Variants in FAM227A observed in about 807,000 individuals in gnomAD.
The protein encoded by FAM227A is protein FAM227A.
FAM227A carries 80 observed loss-of-function variants against 74.7 expected under a neutral mutation model. That is an observed-to-expected ratio of 1.07 (90% CI 0.89 to 1.29). The LOEUF is 1.29. Ranked by LOEUF, FAM227A falls within the 50% of genes most tolerant of loss-of-function variation. The pLI is 0.00. For synonymous variants in FAM227A, 237 were observed against 241.8 expected (o/e 0.98, Z 0.19); for missense variants, 654 against 683.4 (o/e 0.96, Z 0.48).
At chr22:38,615,316 G>A (rs2091552918) in intron 11 of FAM227A, among the ~76,000 whole-genome samples, 1 of 152,260 alleles carries the variant, frequency 6.6e-6, no homozygotes, top group Non-Finnish European at 1.5e-5. Flanking sequence ...GAGCCATCGC[G>A]CCCGGACAGA....
intron 1 of FAM227A, among the ~76,000 whole-genome samples, chr22:38,655,290 G>T (rs2092377089): frequency 6.6e-6 from 1 of 151,942 alleles, no homozygotes; most frequent in Non-Finnish European, 1.5e-5. Flanking sequence ...AGCACTTTGG[G>T]AGGCCGAGTC....
rs1049954561 is a variant in FAM227A, at chr22:38,582,180, A to G, written c.*3945T>C. On this transcript the variant is annotated 3_prime_UTR_variant, in exon 17 of 17. Coordinates refer to ENST00000535113, the MANE Select transcript of FAM227A (RefSeq NM_001013647.2). ...ATAGTAGACATATCTGTCACCCCCA[A>G]AAGTTTATTTGGGCCTCTTTGTAAC... 28 of 649,638 alleles carry G rather than the reference A, an allele frequency of 4.3e-5. No homozygotes were observed. The highest frequency in any genetic ancestry group is 6.6e-5 in the Non-Finnish European group (25 of 381,604). 40.2% of individuals were successfully genotyped at this position (649,638 alleles called of 1,614,324 possible). A position where few individuals can be genotyped will look rare whatever the true frequency, so the allele number is the denominator to read the frequency against.
At chr22:38,596,115 C>T (rs779727161) in intron 15 of FAM227A, among the ~76,000 whole-genome samples, 19 of 152,034 alleles carry the variant, frequency 1.2e-4, no homozygotes, top group South Asian at 8.3e-4. Flanking sequence ...TGAGGTCAGG[C>T]GTTTGAGACC....
chr22:38,649,292 C>T (rs963283669), intron 2 of FAM227A, among the ~76,000 whole-genome samples: 1 of 152,044 alleles, frequency 6.6e-6, no homozygotes, highest in Non-Finnish European at 1.5e-5. Flanking sequence ...TGGCCAGATG[C>T]GGTGGCTCAT....
At chr22:38,592,856 G>T (rs1022201745) in intron 15 of FAM227A, among the ~76,000 whole-genome samples, 2 of 152,144 alleles carry the variant, frequency 1.3e-5, no homozygotes, top group Non-Finnish European at 2.9e-5. Context: ...TAATTTATTT[G>T]ATCAATACAA....
Position 38,583,165 on chromosome 22 carries a change from A to T in FAM227A, c.*2960T>A. On this transcript the variant is annotated 3_prime_UTR_variant, in exon 17 of 17. Transcript: ENST00000535113. The stretch of plus-strand genomic sequence containing the variant: ...TGCTCACACGTTCTGGTTTCAGAAG[A>T]CTATACTTTTTTTTTTTTTTTTTTG... 2.2e-6 allele frequency: 1 copy of T among 448,856 alleles called. No individual in the cohort carries two copies. The highest frequency in any genetic ancestry group is 3.9e-6 in the Non-Finnish European group (1 of 257,648). 27.8% of individuals were successfully genotyped at this position (448,856 alleles called of 1,614,324 possible).
chr22:38,598,225 T>A (rs1818141816), intron 14 of FAM227A, among the ~76,000 whole-genome samples: 1 of 152,170 alleles, frequency 6.6e-6, no homozygotes, highest in Non-Finnish European at 1.5e-5. Flanking sequence ...CTTTAGATGA[T>A]GTTAATCATA....
intron 16 of FAM227A, among the ~76,000 whole-genome samples, chr22:38,586,709 G>A (rs1252756604): frequency 6.6e-6 from 1 of 151,918 alleles, no homozygotes; most frequent in Non-Finnish European, 1.5e-5. Context: ...TCGCTCTGTT[G>A]CCAGGCTGGA....
chr22:38,604,414 T>C (rs2091241087), intron 13 of FAM227A, among the ~76,000 whole-genome samples: 1 of 152,212 alleles, frequency 6.6e-6, no homozygotes, highest in South Asian at 2.1e-4. Context: ...AGCTGGTGCC[T>C]GGGGAAGCTC....
At position 38,650,256 on chromosome 22, in the gene FAM227A, C is replaced by A; in HGVS notation, c.-88G>T. On this transcript the variant is annotated 5_prime_UTR_variant, in exon 2 of 17. The change abolishes the stop of an existing upstream ORF in the 5' untranslated region. Transcript: ENST00000535113. ...ACTCCAATCTTGTCGTTTGTTTAAT[C>A]AGCCTCCTGGAAATCATAAACAGCA... is the stretch of plus-strand genomic sequence containing the variant. The A allele has an allele frequency of 7.5e-7, 1 of 1,341,002 alleles. No homozygotes were observed. Among genetic ancestry groups the A allele is most frequent in the South Asian group, 1.3e-5 (1 of 74,084 alleles). 83.1% of individuals were successfully genotyped at this position (1,341,002 alleles called of 1,614,324 possible). A position where few individuals can be genotyped will look rare whatever the true frequency, so the allele number is the denominator to read the frequency against.
chr22:38,598,541 T>C (rs1271996543), intron 14 of FAM227A, among the ~76,000 whole-genome samples: 1 of 152,200 alleles, frequency 6.6e-6, no homozygotes, highest in Admixed American at 6.5e-5. Flanking sequence ...TTGTTATTAC[T>C]CTCTCCCTAT....
At chr22:38,620,800 C>A (rs2091673340) in intron 10 of FAM227A, among the ~76,000 whole-genome samples, 1 of 151,314 alleles carries the variant, frequency 6.6e-6, no homozygotes, top group African/African-American at 2.4e-5. Context: ...CATAATGAGA[C>A]TCCGTCTCAA....
Position 38,650,024 on chromosome 22 carries a change from T to C in FAM227A, c.142+3A>G, listed in dbSNP as rs994560006. ...ATTGTAGGTGACATCACCAGAAGGA[T>C]ACAGGGTGGATTGTTCTCTAACTCC... On this transcript the variant is annotated splice_donor_region_variant and intron_variant, in intron 2 of 16. Coordinates refer to ENST00000535113, the MANE Select transcript of FAM227A (RefSeq NM_001013647.2). 1.9e-6 allele frequency: 3 copies of C among 1,552,112 alleles called. No individual in the cohort carries two copies. Among genetic ancestry groups the C allele is most frequent in the South Asian group, 1.2e-5 (1 of 84,042 alleles).
chr22:38,625,454 G>A (rs1052363852), intron 9 of FAM227A, among the ~76,000 whole-genome samples: 1 of 151,902 alleles, frequency 6.6e-6, no homozygotes, highest in Non-Finnish European at 1.5e-5. Context: ...GCTGGAGGGA[G>A]AGAACCATGA....
Position 38,652,825 on chromosome 22 carries a change from C to T in FAM227A, c.-94-2563G>A, listed in dbSNP as rs371268617. Among the ~76,000 whole-genome samples, 12 of 144,420 alleles carry T rather than the reference C, an allele frequency of 8.3e-5. No individual in the cohort carries two copies. The East Asian group carries it at 1.6e-3, about 19-fold the overall frequency. The allele number at this position is 144,420 out of a possible 152,430, so 94.7% of individuals were successfully genotyped here. Reference sequence around the variant, plus strand: ...CTGGGAGGCGGGGCTTGCAGTGAGCCGAGATCACACCACTTCACTCCAGCC... The same window carrying T: ...CTGGGAGGCGGGGCTTGCAGTGAGCTGAGATCACACCACTTCACTCCAGCC... On this transcript the variant is annotated intron_variant, in intron 1 of 16. Transcript: ENST00000535113.
Position 38,585,341 on chromosome 22 carries a change from G to C in FAM227A, c.*784C>G, listed in dbSNP as rs2090783488. 1 of 152,158 alleles carries C rather than the reference G, an allele frequency of 6.6e-6. No individual in the cohort carries two copies. Among genetic ancestry groups the C allele is most frequent in the East Asian group, 1.9e-4 (1 of 5,198 alleles). 9.4% of individuals were successfully genotyped at this position (152,158 alleles called of 1,614,324 possible). On this transcript the variant is annotated 3_prime_UTR_variant, in exon 17 of 17. Transcript: ENST00000535113. The stretch of plus-strand genomic sequence containing the variant: ...TTCACTCAAATGAGCTGGAAGGTGA[G>C]AGGTTAAGAAGGCAGAAGCCTGGGA...
At chr22:38,609,206 G>T (rs2091357389) in intron 11 of FAM227A, among the ~76,000 whole-genome samples, 1 of 152,110 alleles carries the variant, frequency 6.6e-6, no homozygotes, top group South Asian at 2.1e-4. Flanking sequence ...TTTTAAGGAA[G>T]GTTTCCAGAA....
At chr22:38,647,804 A>G (rs1041042832) in intron 2 of FAM227A, among the ~76,000 whole-genome samples, 2 of 152,170 alleles carry the variant, frequency 1.3e-5, no homozygotes, top group African/African-American at 4.8e-5. Flanking sequence ...AAATTGGAGG[A>G]TACTTGAAAA....
chr22:38,649,777 A>G (rs1247525496), intron 2 of FAM227A, among the ~76,000 whole-genome samples: 1 of 151,752 alleles, frequency 6.6e-6, no homozygotes, highest in Non-Finnish European at 1.5e-5. Flanking sequence ...CTGAGGCAGG[A>G]GAACTGCTCG....
Sources: allele counts gnomAD v4.1 joint callset (sites outside exome capture counted in the v4.1 genomes callset), GRCh38; gene constraint gnomAD v4.1.1; transcripts MANE v1.5; gene names NCBI Gene and HGNC (gene_info 2026-07-23, HGNC 2026-07-21).